The following GIGYF2 variants were observed in gnomAD, a reference collection of about 807,000 sequenced individuals.
The protein encoded by GIGYF2 is GRB10-interacting GYF protein 2.
In GIGYF2, 25 loss-of-function variants were observed where a neutral mutation model predicts 208.1. The observed-to-expected ratio is 0.12, with a 90% CI of 0.09 to 0.17. GIGYF2 has a LOEUF of 0.17. Ranked by LOEUF, GIGYF2 falls within the 10% of genes least tolerant of loss-of-function variation. GIGYF2 has a pLI of 1.00. For synonymous variants in GIGYF2, 534 were observed against 543.8 expected, an observed-to-expected ratio of 0.98 and a Z score of 0.25; for missense variants, 1,302 against 1,579.4, an observed-to-expected ratio of 0.82 and a Z score of 2.98.
At chr2:232,812,253 T>TA in intron 17 of GIGYF2, 138 bp from the exon 18 acceptor site, 1 of 617,106 alleles carries the variant, frequency 1.6e-6, no homozygotes, top group East Asian at 2.9e-5. Context: ...TTGGTAGTGT[T>TA]AAGTTTTAGT....
At position 232,806,652 on chromosome 2, in the gene GIGYF2, C is replaced by T; in HGVS notation, c.1801C>T (p.His601Tyr). 1 of 1,608,170 alleles carries T rather than the reference C, an allele frequency of 6.2e-7. No individual in the cohort carries two copies. Among genetic ancestry groups the T allele is most frequent in the Non-Finnish European group, 8.5e-7 (1 of 1,174,576 alleles). ...PFSPGPAPPP[H>Y]MGELDQERLT... ...TTCTCCAGGTCCAGCTCCCCCTCCTCATATGGTAAGTACCTTTCACCTCAC... is the reference window on the plus strand; with the variant it reads ...TTCTCCAGGTCCAGCTCCCCCTCCTTATATGGTAAGTACCTTTCACCTCAC... Residue 601 changes from histidine (H) to tyrosine (Y), a missense_variant, in exon 15 of 29, where the codon CAT (histidine) becomes TAT (tyrosine). Around this residue, in one of 8 missense-constraint regions of GIGYF2, gnomAD observed 701 missense variants for 793.0 expected, o/e 0.88. Coordinates refer to ENST00000373563, the MANE Select transcript of GIGYF2 (RefSeq NM_001103146.3). The surrounding 1 kb of genome is among the most constrained non-coding windows in gnomAD (Gnocchi z 4.0).
chr2:232,854,948 T>G (rs1690493805), intron 28 of GIGYF2, among the ~76,000 whole-genome samples: 3 of 152,164 alleles, frequency 2.0e-5, no homozygotes, highest in Admixed American at 6.5e-5. Context: ...GGAACATTTT[T>G]GGGGAGTCAC....
At chr2:232,766,215 A>G (rs1393796898) in intron 8 of GIGYF2, among the ~76,000 whole-genome samples, 1 of 152,240 alleles carries the variant, frequency 6.6e-6, no homozygotes, top group Non-Finnish European at 1.5e-5. Context: ...ATAGATTTAT[A>G]AAGTGTTTAT....
intron 8 of GIGYF2, chr2:232,765,981 T>G (rs1467667764): frequency 2.1e-6 from 1 of 469,920 alleles, no homozygotes; most frequent in Non-Finnish European, 4.4e-6. Flanking sequence ...ATGATCCAGG[T>G]TAGTGAGCTG....
intron 21 of GIGYF2, among the ~76,000 whole-genome samples, chr2:232,826,243 G>A (rs1314507772): frequency 6.6e-6 from 1 of 152,150 alleles, no homozygotes; most frequent in Admixed American, 6.5e-5. Context: ...GGGTCAAATA[G>A]TATTTCTAGT....
At chr2:232,815,850 G>A in intron 19 of GIGYF2, 113 bp downstream of exon 19, 1 of 706,706 alleles carries the variant, frequency 1.4e-6, no homozygotes, top group Non-Finnish European at 2.6e-6. Context: ...GTTTACTGCT[G>A]CTTAGCTGGT....
At chr2:232,713,080 C>CTTTT (rs10636543) in intron 2 of GIGYF2, among the ~76,000 whole-genome samples, 7 of 146,522 alleles carry the variant, frequency 4.8e-5, no homozygotes, top group Non-Finnish European at 7.5e-5. Context: ...GAAAAAACTT[C>CTTTT]TTTTTTTTTT....
At chr2:232,732,201 T>A (rs146079927) in intron 2 of GIGYF2, among the ~76,000 whole-genome samples, 8 of 152,328 alleles carry the variant, frequency 5.3e-5, no homozygotes, top group African/African-American at 1.9e-4. Flanking sequence ...AAGAGCAATA[T>A]AAGCTATTTA....
At chr2:232,789,202 GAACT>G (rs1180347447) in intron 9 of GIGYF2, among the ~76,000 whole-genome samples, 3 of 152,092 alleles carry the variant, frequency 2.0e-5, no homozygotes, top group African/African-American at 7.2e-5. Flanking sequence ...AAAATTTTAT[GAACT>G]ACTGATAAGA....
At chr2:232,777,820 CA>C (rs1201114944) in intron 8 of GIGYF2, among the ~76,000 whole-genome samples, 1 of 152,038 alleles carries the variant, frequency 6.6e-6, no homozygotes, top group Non-Finnish European at 1.5e-5. Flanking sequence ...TCCCAGCTAA[CA>C]AATTGCAGAA....
intron 21 of GIGYF2, among the ~76,000 whole-genome samples, chr2:232,820,752 G>C (rs1334274593): frequency 6.6e-6 from 1 of 152,054 alleles, no homozygotes; most frequent in African/African-American, 2.4e-5. Context: ...GTATGTTTTT[G>C]GGATCTATGT....
intron 2 of GIGYF2, among the ~76,000 whole-genome samples, chr2:232,715,161 A>G (rs913375943): frequency 3.3e-5 from 5 of 152,118 alleles, no homozygotes; most frequent in Non-Finnish European, 5.9e-5. Flanking sequence ...GCTTAACATA[A>G]TTATCTGTGA....
chr2:232,760,426 G>A (rs1682380804), intron 6 of GIGYF2, 54 bp from the exon 7 acceptor site: 5 of 1,094,538 alleles, frequency 4.6e-6, no homozygotes, highest in Non-Finnish European at 7.0e-6. Context: ...GGTGGTGAAT[G>A]TGTGCCACAT....
Position 232,839,895 on chromosome 2 carries a change from G to A in GIGYF2, c.2813G>A (p.Cys938Tyr), listed in dbSNP as rs1701765159. The change falls in exon 23 of 29, where the codon TGT becomes TAT. Residue 938 changes from cysteine (C) to tyrosine (Y), a missense_variant. Physicochemically the swap from Cys to Tyr is radical, Grantham distance 194. This residue lies in a region of GIGYF2 where 701 missense variants were observed against 793.0 expected (regional missense o/e 0.88). Coordinates refer to ENST00000373563, the MANE Select transcript of GIGYF2 (RefSeq NM_001103146.3). ...TWGQQSNTTA[C>Y]QSQATLSLAE... ...GGCCAGCAGTCCAATACAACAGCAT[G>A]TCAGTCCCAGGCCACGCTGTCGTTG... 2 of 1,613,804 alleles carry A rather than the reference G, an allele frequency of 1.2e-6. No homozygotes were observed. Among genetic ancestry groups the A allele is most frequent in the Admixed American group, 1.7e-5 (1 of 59,994 alleles).
At chr2:232,731,461 G>C (rs551277147) in intron 2 of GIGYF2, among the ~76,000 whole-genome samples, 1 of 152,096 alleles carries the variant, frequency 6.6e-6, no homozygotes, top group Non-Finnish European at 1.5e-5. Context: ...TGGCTAGATG[G>C]GGCTTAAAAT....
At chr2:232,726,239 G>A (rs1463812335) in intron 2 of GIGYF2, among the ~76,000 whole-genome samples, 3 of 151,888 alleles carry the variant, frequency 2.0e-5, no homozygotes, top group African/African-American at 2.4e-5. Context: ...TGTGGTGTTC[G>A]GCGCCTGTAA....
chr2:232,715,300 G>A (rs1288521434), intron 2 of GIGYF2, among the ~76,000 whole-genome samples: 1 of 152,094 alleles, frequency 6.6e-6, no homozygotes, highest in Non-Finnish European at 1.5e-5. Flanking sequence ...TGGGCTATTA[G>A]ACGTAAAGCT....
intron 15 of GIGYF2, among the ~76,000 whole-genome samples, chr2:232,807,374 T>C (rs1416825116): frequency 6.6e-6 from 1 of 151,944 alleles, no homozygotes; most frequent in Non-Finnish European, 1.5e-5. Flanking sequence ...CAAATAGTAA[T>C]GAAATAATAA....
At chr2:232,844,722 A>G (rs569119065) in intron 25 of GIGYF2, 148 bp downstream of exon 25, 2 of 679,490 alleles carry the variant, frequency 2.9e-6, no homozygotes, top group East Asian at 2.7e-5. Flanking sequence ...AGTCATAATT[A>G]TGGTGATTGC....
Sources: allele counts gnomAD v4.1 joint callset (sites outside exome capture counted in the v4.1 genomes callset), GRCh38; gene constraint gnomAD v4.1.1; regional missense constraint gnomAD v4.1.1; non-coding constraint Gnocchi (gnomAD v3.1); transcripts MANE v1.5; gene names NCBI Gene and HGNC (gene_info 2026-07-23, HGNC 2026-07-21).